Variants in LEPROTL1 observed in about 807,000 individuals in gnomAD.
LEPROTL1 encodes leptin receptor overlapping transcript-like 1.
A neutral mutation model predicts 15.4 loss-of-function variants in LEPROTL1; 6 were observed. That is an observed-to-expected ratio of 0.39 (90% CI 0.21 to 0.77). LEPROTL1 has a LOEUF of 0.77. Among genes scored for constraint, LEPROTL1 ranks in the 30% least tolerant of loss-of-function variants. The pLI, the probability that LEPROTL1 is intolerant of heterozygous loss-of-function variation, is 0.41. For synonymous variants in LEPROTL1, 56 were observed against 52.6 expected (o/e 1.06, Z -0.28); for missense variants, 128 against 158.1 (o/e 0.81, Z 1.02).
intron 3 of LEPROTL1, among the ~76,000 whole-genome samples, chr8:30,128,625 T>C (rs1802942113): frequency 6.6e-6 from 1 of 151,868 alleles, no homozygotes; most frequent in Non-Finnish European, 1.5e-5. Context: ...AGTTGTGCGT[T>C]CCTGTAGTCC....
chr8:30,134,440 A>C (rs527409370), intron 4 of LEPROTL1, among the ~76,000 whole-genome samples: 44 of 152,224 alleles, frequency 2.9e-4, no homozygotes, highest in African/African-American at 1.0e-3. Context: ...AAAACAAAAA[A>C]AAAAACAAAA....
At chr8:30,112,424 T>TTTTTTTTTTTTTTG (rs1205372548), downstream of LEPROTL1, among the ~76,000 whole-genome samples, 1 of 136,012 alleles carries the variant, frequency 7.4e-6, no homozygotes. Context: ...TTTTTTTTTT[T>TTTTTTTTTTTTTTG]TTTTTTTGGA....
intron 1 of LEPROTL1, among the ~76,000 whole-genome samples, chr8:30,099,601 A>C (rs1255629191): frequency 1.1e-3 from 1 of 950 alleles, no homozygotes; most frequent in Non-Finnish European, 0.024. Context: ...ACTCCATTTA[A>C]AAAAAAAAAA....
intron 4 of LEPROTL1, among the ~76,000 whole-genome samples, chr8:30,133,226 G>T (rs577223926): frequency 6.6e-6 from 1 of 152,274 alleles, no homozygotes; most frequent in African/African-American, 2.4e-5. Context: ...AATATTTATA[G>T]ATCTTAAGTA....
chr8:30,120,430 TG>T (rs931097554), intron 3 of LEPROTL1, among the ~76,000 whole-genome samples: 6 of 152,178 alleles, frequency 3.9e-5, no homozygotes, highest in Non-Finnish European at 5.9e-5. Context: ...AAAATGTAAA[TG>T]GTCGCTTAAT....
intron 3 of LEPROTL1, among the ~76,000 whole-genome samples, chr8:30,125,869 T>C (rs1049951402): frequency 3.9e-5 from 6 of 152,208 alleles, no homozygotes; most frequent in Admixed American, 1.3e-4. Context: ...GCCATTTTAC[T>C]CTATAATTTC....
chr8:30,113,722 C>G (rs1802689944), intron 3 of LEPROTL1, among the ~76,000 whole-genome samples: 1 of 152,186 alleles, frequency 6.6e-6, no homozygotes, highest in South Asian at 2.1e-4. Context: ...AGCAGCACAT[C>G]GTTTTCATCC....
intron 3 of LEPROTL1, among the ~76,000 whole-genome samples, chr8:30,123,887 TGTAAA>T (rs1255477306): frequency 1.3e-5 from 2 of 152,054 alleles, no homozygotes; most frequent in Non-Finnish European, 2.9e-5. Context: ...ACATGAATGA[TGTAAA>T]GGAGCAGCAT....
chr8:30,130,254 T>G (rs534979039), intron 3 of LEPROTL1, among the ~76,000 whole-genome samples: 2 of 151,682 alleles, frequency 1.3e-5, no homozygotes, highest in East Asian at 3.9e-4. Context: ...ACAAAGTTTG[T>G]TTTTTTTTAT....
Position 30,105,906 on chromosome 8 carries a change from G to A in LEPROTL1, c.*44G>A, listed in dbSNP as rs200526340. On this transcript the variant is annotated 3_prime_UTR_variant, in exon 4 of 4. Coordinates refer to ENST00000321250, the MANE Select transcript of LEPROTL1 (RefSeq NM_015344.3). ...TTGTCAAATGGACTTCCTGTCATTTGTTGGCCATTCACGCACACAGGAGAT... is the reference window on the plus strand; with the variant it reads ...TTGTCAAATGGACTTCCTGTCATTTATTGGCCATTCACGCACACAGGAGAT... 4.1e-6 allele frequency: 6 copies of A among 1,449,098 alleles called. No individual in the cohort carries two copies. In the South Asian group the frequency reaches 4.4e-5, roughly 11 times the overall value. The allele number at this position is 1,449,098 out of a possible 1,614,324, so 89.8% of individuals were successfully genotyped here. A position where few individuals can be genotyped will look rare whatever the true frequency, so the allele number is the denominator to read the frequency against.
chr8:30,117,160 T>C (rs994691174), intron 3 of LEPROTL1, among the ~76,000 whole-genome samples: 1 of 152,116 alleles, frequency 6.6e-6, no homozygotes, highest in East Asian at 1.9e-4. Flanking sequence ...CAGAAGATGA[T>C]CATCGCTTTA....
At chr8:30,111,231 A>G (rs1802649853), downstream of LEPROTL1, among the ~76,000 whole-genome samples, 1 of 152,244 alleles carries the variant, frequency 6.6e-6, no homozygotes, top group East Asian at 1.9e-4. Flanking sequence ...GTAGCAGTGA[A>G]GACAAAGGTG....
intron 3 of LEPROTL1, chr8:30,117,329 T>A: frequency 1.2e-6 from 1 of 865,982 alleles, no homozygotes; most frequent in African/African-American, 1.7e-5. Flanking sequence ...TTCTTTTTTT[T>A]TTTTTTAATT....
downstream of LEPROTL1, among the ~76,000 whole-genome samples, chr8:30,109,037 C>G (rs898034917): frequency 2.7e-5 from 4 of 147,126 alleles, no homozygotes; most frequent in African/African-American, 5.0e-5. Flanking sequence ...ACCACCCCCC[C>G]GCCCCGAAAA....
Position 30,104,428 on chromosome 8 carries a change from C to A in LEPROTL1, c.221C>A (p.Thr74Lys), listed in dbSNP as rs1802523826. The change falls in exon 3 of 4, where the codon ACA (threonine) becomes AAA (lysine). Residue 74 changes from threonine to lysine, a missense_variant. Thr to Lys is a moderately conservative substitution (Grantham distance 78, BLOSUM62 -1). Transcript: ENST00000321250. ...NACKELAIFL[T>K]TGIVVSAFGL... is the part of the protein sequence containing the mutation. ...TGTAAGGAACTTGCCATCTTTCTTA[C>A]AACGGGCATTGTCGTGTCAGCTTTT... 2.5e-6 allele frequency: 4 copies of A among 1,612,702 alleles called. No homozygotes were observed. The highest frequency in any genetic ancestry group is 2.5e-6 in the Non-Finnish European group (3 of 1,179,364).
In LEPROTL1 at chr8:30,095,467, T is replaced by TGCCGCC; in HGVS notation, c.-39_-34dup. ...TCTTGGGTCTCCCGGCTGCCGCTGC[T>TGCCGCC]GCCGCCGCCGCCTCGGGTCGTGGAG... On this transcript the variant is annotated 5_prime_UTR_variant, in exon 1 of 4. Transcript: ENST00000321250. 6.8e-7 allele frequency: 1 copy of TGCCGCC among 1,464,054 alleles called. No individual in the cohort carries two copies. Among genetic ancestry groups the TGCCGCC allele is most frequent in the Non-Finnish European group, 9.0e-7 (1 of 1,112,204 alleles). 90.7% of individuals were successfully genotyped at this position (1,464,054 alleles called of 1,614,324 possible).
intron 1 of LEPROTL1, 166 bp downstream of exon 1, chr8:30,095,694 G>A: frequency 1.4e-6 from 1 of 715,252 alleles, no homozygotes; most frequent in Non-Finnish European, 2.3e-6. Context: ...CCGGAGGTGG[G>A]CGCGGCGCCC....
At chr8:30,095,698 G>A in intron 1 of LEPROTL1, 170 bp downstream of exon 1, 1 of 685,864 alleles carries the variant, frequency 1.5e-6, no homozygotes, top group Non-Finnish European at 2.5e-6. Flanking sequence ...AGGTGGGCGC[G>A]GCGCCCTCGG....
chr8:30,119,035 C>A (rs1802785858), intron 3 of LEPROTL1, among the ~76,000 whole-genome samples: 1 of 152,184 alleles, frequency 6.6e-6, no homozygotes, highest in African/African-American at 2.4e-5. Context: ...CAGACTATCA[C>A]ATGGGGAGAA....
Sources: allele counts gnomAD v4.1 joint callset (sites outside exome capture counted in the v4.1 genomes callset), GRCh38; gene constraint gnomAD v4.1.1; transcripts MANE v1.5; gene names NCBI Gene and HGNC (gene_info 2026-07-23, HGNC 2026-07-21).